Variants in REV1 observed in about 807,000 individuals in gnomAD.
REV1 encodes translesion synthesis protein REV1.
In REV1, 42 loss-of-function variants were observed where a neutral mutation model predicts 137.4. The ratio of observed to expected loss-of-function variants is 0.31; its 90% CI spans 0.24 to 0.40. The LOEUF (loss-of-function observed/expected upper bound fraction) is 0.40, where lower values mean the gene tolerates loss of function less well. Ranked by LOEUF, REV1 falls within the 10% of genes least tolerant of loss-of-function variation. REV1 has a pLI of 1.00. For synonymous variants in REV1, 524 were observed against 519.2 expected (o/e 1.01, Z -0.12); for missense variants, 1,282 against 1,490.1 (o/e 0.86, Z 2.30).
At chr2:99,470,585 G>C (rs1393657958) in intron 1 of REV1, among the ~76,000 whole-genome samples, 1 of 152,216 alleles carries the variant, frequency 6.6e-6, no homozygotes, top group African/African-American at 2.4e-5. Flanking sequence ...GCAAGCGTTA[G>C]GTCATAGCCT....
chr2:99,415,331 A>G (rs966936056), intron 12 of REV1, among the ~76,000 whole-genome samples: 9 of 152,208 alleles, frequency 5.9e-5, no homozygotes, highest in African/African-American at 2.2e-4. Flanking sequence ...CAACGAAGAG[A>G]GAGTCAAGGA....
At chr2:99,409,968 T>C (rs1676908784) in intron 14 of REV1, among the ~76,000 whole-genome samples, 1 of 151,530 alleles carries the variant, frequency 6.6e-6, no homozygotes, top group Non-Finnish European at 1.5e-5. Flanking sequence ...GTAAATGAAG[T>C]TGCTCTCCTT....
chr2:99,402,515 G>A (rs1675613467), intron 21 of REV1, 129 bp downstream of exon 21: 1 of 963,360 alleles, frequency 1.0e-6, no homozygotes, highest in Non-Finnish European at 1.6e-6. Context: ...AAAGATTTGG[G>A]GGTAGCTGCT....
At chr2:99,443,039 T>C (rs1378860930) in intron 4 of REV1, among the ~76,000 whole-genome samples, 1 of 152,240 alleles carries the variant, frequency 6.6e-6, no homozygotes, top group Non-Finnish European at 1.5e-5. Context: ...TAGGTGGTAC[T>C]AGCACTGTAA....
chr2:99,410,842 A>T lies in REV1; in HGVS notation c.2198T>A (p.Leu733Gln), dbSNP rs1287938086. Residue 733 changes from leucine to glutamine, a missense_variant, in exon 14 of 23, where the codon CTG becomes CAG. Leu to Gln is a moderately radical substitution (Grantham distance 113, BLOSUM62 -2). This residue lies in a region of REV1 where 372 missense variants were observed against 482.3 expected (regional missense o/e 0.77). Transcript: ENST00000258428. ...TCTTTGAATTTCTTCTGAAAGACTCAGAAGAAAAGCTTCTGCCTCTTTTGG... is the reference window on the plus strand; with the variant it reads ...TCTTTGAATTTCTTCTGAAAGACTCTGAAGAAAAGCTTCTGCCTCTTTTGG... The part of the protein sequence containing the change: ...TQPKEAEAFL[L>Q]SLSEEIQRRL... The T allele has an allele frequency of 6.3e-6, 10 of 1,594,150 alleles. No homozygotes were observed. The highest frequency in any genetic ancestry group is 1.9e-5 in the Admixed American group (1 of 53,928).
intron 1 of REV1, among the ~76,000 whole-genome samples, chr2:99,486,184 A>C (rs903216364): frequency 1.3e-5 from 2 of 152,214 alleles, no homozygotes; most frequent in African/African-American, 2.4e-5. Context: ...GCCAAAATAC[A>C]AAATCCTAAG....
intron 1 of REV1, among the ~76,000 whole-genome samples, chr2:99,479,326 CAA>C (rs60839666): frequency 8.1e-4 from 78 of 96,820 alleles, no homozygotes; most frequent in Admixed American, 2.3e-3. Context: ...GACTCTGTCT[CAA>C]AAAAAAAAAA....
At chr2:99,468,293 G>A (rs191256796) in intron 1 of REV1, among the ~76,000 whole-genome samples, 132 of 152,264 alleles carry the variant, frequency 8.7e-4, no homozygotes, top group African/African-American at 3.0e-3. Flanking sequence ...ATAACATCCA[G>A]GGAAAAGTTC....
chr2:99,458,589 A>C lies in REV1; in HGVS notation c.181+3907T>G, dbSNP rs1342683210. ...CAACAACTGTACTCTTCTTATACTC[A>C]TACAAAAACTCATACACAAATGTTC... On this transcript the variant is annotated intron_variant, in intron 3 of 22. Transcript: ENST00000258428. Among the ~76,000 whole-genome samples, 5 of 152,230 alleles carry C rather than the reference A, an allele frequency of 3.3e-5. No homozygotes were observed. In the East Asian group the frequency reaches 9.6e-4, roughly 29 times the overall value.
Position 99,456,063 on chromosome 2 carries a change from C to T in REV1, c.181+6433G>A, listed in dbSNP as rs555187495. The stretch of plus-strand genomic sequence containing the variant: ...TCCACTAAGTCTGAAGCACTCACTC[C>T]CCCTGGGCAGCTTTCACAAAAATAA... On this transcript the variant is annotated intron_variant, in intron 3 of 22. Coordinates refer to ENST00000258428, the MANE Select transcript of REV1 (RefSeq NM_016316.4). Among the ~76,000 whole-genome samples the T allele has an allele frequency of 1.2e-4, 19 of 152,266 alleles. No individual in the cohort carries two copies. The South Asian group carries it at 3.5e-3, about 28-fold the overall frequency.
chr2:99,460,998 A>C (rs1189297032), intron 3 of REV1, among the ~76,000 whole-genome samples: 1 of 140,862 alleles, frequency 7.1e-6, no homozygotes, highest in Admixed American at 7.4e-5. Context: ...GACTTCCATG[A>C]CTGGCTAATG....
chr2:99,447,372 A>C (rs935598103), intron 4 of REV1, among the ~76,000 whole-genome samples: 4 of 151,948 alleles, frequency 2.6e-5, no homozygotes, highest in African/African-American at 9.7e-5. Context: ...GGGTTTCACC[A>C]AGTTGGCCAG....
intron 8 of REV1, among the ~76,000 whole-genome samples, chr2:99,430,247 G>T (rs1468305266): frequency 6.6e-6 from 1 of 151,750 alleles, no homozygotes; most frequent in East Asian, 1.9e-4. Flanking sequence ...CACAGTCCCT[G>T]GAGGTGGACA....
intron 1 of REV1, among the ~76,000 whole-genome samples, chr2:99,467,527 A>AT (rs1409988360): frequency 2.0e-5 from 3 of 152,146 alleles, no homozygotes; most frequent in Non-Finnish European, 4.4e-5. Flanking sequence ...AAACCAGATT[A>AT]TTTTTCCCTC....
intron 1 of REV1, among the ~76,000 whole-genome samples, chr2:99,480,044 G>A (rs1321254929): frequency 6.6e-6 from 1 of 152,212 alleles, no homozygotes; most frequent in Non-Finnish European, 1.5e-5. Flanking sequence ...AAAGGGCCGA[G>A]TGCAGTGGCT....
intron 4 of REV1, among the ~76,000 whole-genome samples, chr2:99,448,533 G>A (rs997566475): frequency 2.6e-5 from 4 of 152,066 alleles, no homozygotes; most frequent in African/African-American, 7.2e-5. Flanking sequence ...ATAATACTGC[G>A]ACTGTACTCC....
intron 12 of REV1, among the ~76,000 whole-genome samples, chr2:99,417,085 C>T (rs763928225): frequency 6.6e-6 from 1 of 151,928 alleles, no homozygotes; most frequent in Non-Finnish European, 1.5e-5. Flanking sequence ...CTGTGTCTTC[C>T]CCAAATTTAT....
chr2:99,449,306 T>A (rs1575138803), intron 4 of REV1, 30 bp downstream of exon 4: 1 of 1,288,356 alleles, frequency 7.8e-7, no homozygotes, highest in Non-Finnish European at 1.0e-6. Context: ...TTTAAAAATT[T>A]ATTAATTAAA....
At chr2:99,404,387 G>T in intron 18 of REV1, 57 bp downstream of exon 18, 1 of 1,357,400 alleles carries the variant, frequency 7.4e-7, no homozygotes, top group Non-Finnish European at 1.0e-6. Context: ...GTCCTAAGTT[G>T]GAGCAGGGGG....
Sources: gnomAD v4.1 joint callset for allele counts (sites outside exome capture counted in the v4.1 genomes callset) on GRCh38, gnomAD v4.1.1 for gene constraint, gnomAD v4.1.1 regional missense constraint, MANE v1.5 for transcripts, NCBI Gene and HGNC (gene_info 2026-07-23, HGNC 2026-07-21) for gene names.